EXOC4: variants seen among roughly 807,000 people sequenced by gnomAD.
The protein encoded by EXOC4 is SEC8-like 1.
EXOC4 carries 71 observed loss-of-function variants against 107.2 expected under a neutral mutation model. The ratio of observed to expected loss-of-function variants is 0.66; its 90% confidence interval spans 0.55 to 0.81. EXOC4 has a LOEUF of 0.81. Among genes scored for constraint, EXOC4 ranks in the 30% least tolerant of loss-of-function variants. The pLI, the probability that EXOC4 is intolerant of heterozygous loss-of-function variation, is 0.00. For synonymous variants in EXOC4, 456 were observed against 441.2 expected (o/e 1.03, Z -0.42); for missense variants, 1,108 against 1,189.6 (o/e 0.93, Z 1.01).
intron 10 of EXOC4, among the ~76,000 whole-genome samples, chr7:133,772,463 G>C (rs574742621): frequency 6.6e-6 from 1 of 151,722 alleles, no homozygotes; most frequent in African/African-American, 2.4e-5. Flanking sequence ...GCACCAGCAC[G>C]GCACATGTAT....
At chr7:133,941,821 TTCTCTC>T (rs67720946) in intron 14 of EXOC4, among the ~76,000 whole-genome samples, 11 of 129,622 alleles carry the variant, frequency 8.5e-5, no homozygotes, top group East Asian at 4.3e-4. Context: ...TGCTTACAGA[TTCTCTC>T]TCTCTCTCTC....
At chr7:133,574,033 G>A (rs1312374382) in intron 9 of EXOC4, among the ~76,000 whole-genome samples, 1 of 152,168 alleles carries the variant, frequency 6.6e-6, no homozygotes, top group Non-Finnish European at 1.5e-5. Context: ...TATTCTCACA[G>A]TGCTTCTTAA....
chr7:133,466,346 G>A (rs1382544773), intron 7 of EXOC4, among the ~76,000 whole-genome samples: 2 of 151,998 alleles, frequency 1.3e-5, no homozygotes, highest in Non-Finnish European at 2.9e-5. Context: ...TACCAAAAGA[G>A]AGAAGTCTAA....
At chr7:133,962,149 C>T (rs1800960606) in intron 14 of EXOC4, among the ~76,000 whole-genome samples, 1 of 152,182 alleles carries the variant, frequency 6.6e-6, no homozygotes, top group Non-Finnish European at 1.5e-5. Context: ...GCTGCCACAG[C>T]CAGATCTAGA....
intron 12 of EXOC4, among the ~76,000 whole-genome samples, chr7:133,916,397 A>T (rs1452311504): frequency 6.6e-6 from 1 of 152,108 alleles, no homozygotes; most frequent in Admixed American, 6.5e-5. Context: ...ATGTTACCTT[A>T]AGTCAGTCTG....
rs190358534 is a variant in EXOC4 at position 133,928,620 on chromosome 7, C to T, written c.2028-9271C>T. Among the ~76,000 whole-genome samples, 309 of 152,274 alleles carry T rather than the reference C, an allele frequency of 2.0e-3. 1 individual carries two copies. Among genetic ancestry groups the T allele is most frequent in the Middle Eastern group, 6.8e-3 (2 of 294 alleles). ...CCCTCCTCCCGCTCCACGCTGCACC[C>T]TCCTCCCCTCACTCACAGTCTGTGG... On this transcript the variant is annotated intron_variant, in intron 13 of 17. Coordinates refer to ENST00000253861, the MANE Select transcript of EXOC4 (RefSeq NM_021807.4).
intron 17 of EXOC4, among the ~76,000 whole-genome samples, chr7:134,016,002 GTGAT>G (rs749833714): frequency 7.9e-5 from 12 of 152,196 alleles, no homozygotes; most frequent in Middle Eastern, 3.4e-3. Context: ...GTCTTGGAGA[GTGAT>G]TGAATAGTGA....
intron 9 of EXOC4, among the ~76,000 whole-genome samples, chr7:133,555,059 G>GCCT (rs1474901865): frequency 2.6e-5 from 4 of 152,148 alleles, no homozygotes; most frequent in Admixed American, 1.3e-4. Context: ...ACAGAGAATG[G>GCCT]CCTGGGCAAG....
intron 3 of EXOC4, among the ~76,000 whole-genome samples, chr7:133,305,155 C>T (rs1794723576): frequency 6.6e-6 from 1 of 151,790 alleles, no homozygotes; most frequent in Non-Finnish European, 1.5e-5. Context: ...TCATGTTCTC[C>T]ATTTATTGTA....
intron 10 of EXOC4, among the ~76,000 whole-genome samples, chr7:133,761,784 G>A (rs1394378893): frequency 2.0e-5 from 3 of 152,184 alleles, no homozygotes; most frequent in African/African-American, 7.2e-5. Flanking sequence ...TCCCTGTGCA[G>A]TTTACGAACA....
At chr7:134,086,473 T>C in the EXOC4 span, among the ~76,000 whole-genome samples, 1 of 152,194 alleles carries the variant, frequency 6.6e-6, no homozygotes, top group Non-Finnish European at 1.5e-5. Flanking sequence ...TCCTTTCTTT[T>C]TTAAGTTCTT....
intron 14 of EXOC4, among the ~76,000 whole-genome samples, chr7:133,955,729 C>T (rs903628129): frequency 6.6e-6 from 1 of 152,248 alleles, no homozygotes; most frequent in African/African-American, 2.4e-5. Context: ...CTGCACCATG[C>T]TGCCCTCAGC....
chr7:133,333,437 T>C (rs1795440106), intron 5 of EXOC4, among the ~76,000 whole-genome samples: 1 of 150,966 alleles, frequency 6.6e-6, no homozygotes, highest in Non-Finnish European at 1.5e-5. Flanking sequence ...GAGATCTGGT[T>C]TTTTTTTTAT....
intron 5 of EXOC4, among the ~76,000 whole-genome samples, chr7:133,354,358 G>A (rs1795978195): frequency 6.6e-6 from 1 of 152,052 alleles, no homozygotes; most frequent in Non-Finnish European, 1.5e-5. Flanking sequence ...TCTATCCTAA[G>A]GATCAGCCTG....
At chr7:133,873,047 C>T (rs970119844) in intron 11 of EXOC4, among the ~76,000 whole-genome samples, 3 of 152,182 alleles carry the variant, frequency 2.0e-5, no homozygotes, top group African/African-American at 4.8e-5. Flanking sequence ...CAGTGGCTCA[C>T]GCCTATGATC....
At chr7:133,986,085 CAT>C (rs1338011332) in intron 14 of EXOC4, among the ~76,000 whole-genome samples, 16 of 152,354 alleles carry the variant, frequency 1.1e-4, no homozygotes, top group Middle Eastern at 3.4e-3. Flanking sequence ...TGGCTATACA[CAT>C]GTGTATGCAT....
chr7:133,658,126 T>C (rs1162371567), intron 10 of EXOC4, among the ~76,000 whole-genome samples: 1 of 152,090 alleles, frequency 6.6e-6, no homozygotes, highest in Non-Finnish European at 1.5e-5. Context: ...GTTAGGGATA[T>C]GGAGAAGACC....
chr7:133,702,214 G>A (rs1794674835), intron 10 of EXOC4, among the ~76,000 whole-genome samples: 1 of 151,198 alleles, frequency 6.6e-6, no homozygotes, highest in Non-Finnish European at 1.5e-5. Flanking sequence ...CATTAAAATA[G>A]TGAAAAAATA....
intron 6 of EXOC4, among the ~76,000 whole-genome samples, chr7:133,359,462 A>G (rs1272391976): frequency 6.6e-6 from 1 of 152,202 alleles, no homozygotes; most frequent in African/African-American, 2.4e-5. Flanking sequence ...TTACCATTCA[A>G]GGAATTTTAT....
Sources: allele counts gnomAD v4.1 joint callset (sites outside exome capture counted in the v4.1 genomes callset), GRCh38; gene constraint gnomAD v4.1.1; transcripts MANE v1.5; gene names NCBI Gene and HGNC (gene_info 2026-07-23, HGNC 2026-07-21).